ASTN1: variants seen among roughly 807,000 people sequenced by gnomAD.
ASTN1 encodes the protein astrotactin 1, also known as astrotactin-1.
In ASTN1, 41 loss-of-function variants were observed where a neutral mutation model predicts 140.7. The observed-to-expected ratio is 0.29, with a 90% CI of 0.23 to 0.38. The LOEUF is 0.38. ASTN1 is among the 10% of genes least tolerant of loss of function. The pLI is 1.00. For missense variants in ASTN1, 1,479 were observed against 1,678.8 expected (o/e 0.88, Z 2.08); for synonymous variants, 640 against 652.2 (o/e 0.98, Z 0.29).
chr1:176,877,215 C>T (rs1668603914), intron 20 of ASTN1, among the ~76,000 whole-genome samples: 1 of 152,196 alleles, frequency 6.6e-6, no homozygotes, highest in South Asian at 2.1e-4. Context: ...CAACAATGTA[C>T]AGAAATACCT....
At chr1:177,126,641 C>T (rs1418750620) in intron 1 of ASTN1, among the ~76,000 whole-genome samples, 2 of 152,178 alleles carry the variant, frequency 1.3e-5, no homozygotes, top group African/African-American at 4.8e-5. Flanking sequence ...TCCCATTTGG[C>T]AAAGCAAATG....
chr1:176,907,542 A>G (rs1670053558), intron 16 of ASTN1, among the ~76,000 whole-genome samples: 1 of 152,256 alleles, frequency 6.6e-6, no homozygotes. Flanking sequence ...TTCTAGACAA[A>G]AAGCACTGTT....
intron 8 of ASTN1, among the ~76,000 whole-genome samples, chr1:176,991,678 C>T (rs1028834598): frequency 6.6e-6 from 1 of 152,120 alleles, no homozygotes; most frequent in Non-Finnish European, 1.5e-5. Context: ...AGTCTAAGAT[C>T]TAATCTTCAT....
At chr1:177,036,254 T>G (rs1443972056) in intron 2 of ASTN1, among the ~76,000 whole-genome samples, 3 of 152,078 alleles carry the variant, frequency 2.0e-5, no homozygotes, top group African/African-American at 7.2e-5. Flanking sequence ...TTCTCCATGT[T>G]GAGGCTGGTC....
chr1:177,000,413 C>T (rs1674671492), intron 8 of ASTN1, among the ~76,000 whole-genome samples: 1 of 152,100 alleles, frequency 6.6e-6, no homozygotes, highest in African/African-American at 2.4e-5. Flanking sequence ...CTAGTAGGAT[C>T]TTTAAGAGAC....
chr1:176,991,435 C>CAAAAAAAAAAAAAA (rs1558014971), intron 8 of ASTN1, among the ~76,000 whole-genome samples: 1 of 5,698 alleles, frequency 1.8e-4, no homozygotes, highest in Non-Finnish European at 4.5e-4. Flanking sequence ...AAAAAAAAAA[C>CAAAAAAAAAAAAAA]CAAAAAAAAA....
intron 1 of ASTN1, among the ~76,000 whole-genome samples, chr1:177,146,896 T>G (rs1053458370): frequency 6.6e-6 from 1 of 152,214 alleles, no homozygotes; most frequent in Non-Finnish European, 1.5e-5. Flanking sequence ...AATCTCACTT[T>G]AGCTTGCAGC....
At chr1:176,918,904 C>G (rs1473465916) in intron 16 of ASTN1, among the ~76,000 whole-genome samples, 1 of 152,114 alleles carries the variant, frequency 6.6e-6, no homozygotes, top group Non-Finnish European at 1.5e-5. Context: ...CCCAACCCCA[C>G]CAGCCTTCTC....
chr1:176,974,760 T>C (rs1319216486), intron 8 of ASTN1, among the ~76,000 whole-genome samples: 14 of 152,234 alleles, frequency 9.2e-5, no homozygotes. Flanking sequence ...CCTTTTCTTC[T>C]AGATTTGGAA....
intron 5 of ASTN1, among the ~76,000 whole-genome samples, chr1:177,027,713 AGTGTGTGTGTGT>A (rs56405518): frequency 1.9e-3 from 231 of 118,658 alleles, no homozygotes; most frequent in Middle Eastern, 4.5e-3. Flanking sequence ...AACCCAGTAC[AGTGTGTGTGTGT>A]GTGTGTGTGT....
chr1:177,162,030 T>A (rs74129905), intron 1 of ASTN1, among the ~76,000 whole-genome samples: 1 of 152,132 alleles, frequency 6.6e-6, no homozygotes, highest in African/African-American at 2.4e-5. Context: ...TCAATAAATT[T>A]CCAGAATTGA....
chr1:177,103,760 T>C (rs1430315128), intron 1 of ASTN1, among the ~76,000 whole-genome samples: 1 of 152,076 alleles, frequency 6.6e-6, no homozygotes, highest in Non-Finnish European at 1.5e-5. Flanking sequence ...AACCAGCCCC[T>C]GAAAAGTGGG....
intron 9 of ASTN1, among the ~76,000 whole-genome samples, chr1:176,964,283 G>A (rs922018656): frequency 6.6e-6 from 1 of 152,188 alleles, no homozygotes. Context: ...GAAAAGGCAT[G>A]CAGTAGCTGA....
At chr1:176,897,333 A>G (rs994400900) in intron 16 of ASTN1, among the ~76,000 whole-genome samples, 1 of 152,086 alleles carries the variant, frequency 6.6e-6, no homozygotes, top group African/African-American at 2.4e-5. Context: ...CCACCAAAAA[A>G]AAATCAGTAA....
chr1:176,880,241 G>A (rs1668740261), intron 20 of ASTN1, among the ~76,000 whole-genome samples: 2 of 152,120 alleles, frequency 1.3e-5, no homozygotes, highest in South Asian at 4.2e-4. Context: ...GCTTCCAAAG[G>A]TGGGTCTTAA....
chr1:176,985,696 CT>C (rs1454906963), intron 8 of ASTN1, among the ~76,000 whole-genome samples: 1 of 152,138 alleles, frequency 6.6e-6, no homozygotes, highest in African/African-American at 2.4e-5. Context: ...CTAAAAGCCC[CT>C]CTACCTGGAC....
chr1:176,936,747 C>A (rs1221499633), intron 14 of ASTN1, among the ~76,000 whole-genome samples: 1 of 152,220 alleles, frequency 6.6e-6, no homozygotes, highest in East Asian at 1.9e-4. Flanking sequence ...CCTGACTACA[C>A]TCTCTCTGGC....
chr1:177,061,407 T>C, intron 1 of ASTN1, 142 bp from the exon 2 acceptor site: 1 of 675,442 alleles, frequency 1.5e-6, no homozygotes, highest in Non-Finnish European at 2.2e-6. Context: ...GGTCAGATTT[T>C]ACTGCTACTC....
chr1:176,871,445 G>A (rs1228893892), intron 21 of ASTN1, among the ~76,000 whole-genome samples: 1 of 152,194 alleles, frequency 6.6e-6, no homozygotes, highest in Non-Finnish European at 1.5e-5. Context: ...CCTGGTTGTG[G>A]TAGTCTTTGC....
Sources: gnomAD v4.1 joint callset for allele counts (sites outside exome capture counted in the v4.1 genomes callset) on GRCh38, gnomAD v4.1.1 for gene constraint, MANE v1.5 for transcripts, NCBI Gene and HGNC (gene_info 2026-07-23, HGNC 2026-07-21) for gene names.